CPSF3: variants seen among roughly 807,000 people sequenced by gnomAD.
CPSF3 encodes the protein cleavage and polyadenylation specific factor 3, also known as cleavage and polyadenylation specificity factor subunit 3.
A neutral mutation model predicts 84.1 loss-of-function variants in CPSF3; 57 were observed. That is an observed-to-expected ratio of 0.68 (90% CI 0.55 to 0.85). CPSF3 has a LOEUF of 0.85. Ranked by LOEUF, CPSF3 falls within the 40% of genes least tolerant of loss-of-function variation. CPSF3 has a pLI of 0.00. For missense variants in CPSF3, 522 were observed against 838.8 expected, an observed-to-expected ratio of 0.62 and a Z score of 4.66; for synonymous variants, 275 against 278.1, an observed-to-expected ratio of 0.99 and a Z score of 0.11.
chr2:9,467,861 C>A, intron 16 of CPSF3, 85 bp downstream of exon 16: 1 of 1,090,648 alleles, frequency 9.2e-7, no homozygotes, highest in Non-Finnish European at 1.4e-6. Context: ...CCTTCAAGGA[C>A]TGGGGCGTGG....
At chr2:9,435,210 A>C (rs1008426657) in intron 6 of CPSF3, among the ~76,000 whole-genome samples, 1 of 152,212 alleles carries the variant, frequency 6.6e-6, no homozygotes, top group African/African-American at 2.4e-5. Flanking sequence ...TCTTCTGGTC[A>C]GTGGACCATA....
chr2:9,450,152 T>G (rs1049790421), intron 11 of CPSF3, among the ~76,000 whole-genome samples: 3 of 149,100 alleles, frequency 2.0e-5, no homozygotes, highest in African/African-American at 7.4e-5. Flanking sequence ...CACAAATTTT[T>G]TTTTTTTTTT....
At chr2:9,457,099 G>A in intron 14 of CPSF3, 72 bp downstream of exon 14, 1 of 837,422 alleles carries the variant, frequency 1.2e-6, no homozygotes. Context: ...CAATTGTAGA[G>A]AAAATTAGTT....
At chr2:9,427,903 G>T (rs1169846178) in intron 1 of CPSF3, among the ~76,000 whole-genome samples, 2 of 151,772 alleles carry the variant, frequency 1.3e-5, no homozygotes, top group Non-Finnish European at 2.9e-5. Context: ...CAAAAATTAT[G>T]TAAGTAGTTG....
intron 11 of CPSF3, among the ~76,000 whole-genome samples, chr2:9,452,658 G>A (rs1342762263): frequency 6.6e-6 from 1 of 152,190 alleles, no homozygotes; most frequent in Non-Finnish European, 1.5e-5. Context: ...CACCTAGTAA[G>A]TTACTTGCTT....
At chr2:9,453,094 ACCTTGTG>A in intron 12 of CPSF3, 73 bp downstream of exon 12, 3 of 904,870 alleles carry the variant, frequency 3.3e-6, no homozygotes, top group Non-Finnish European at 5.0e-6. Context: ...ACTTCTCTTC[ACCTTGTG>A]GCCTAATGTT....
At chr2:9,453,123 A>T in intron 12 of CPSF3, 102 bp downstream of exon 12, 1 of 660,138 alleles carries the variant, frequency 1.5e-6, no homozygotes, top group Admixed American at 3.6e-5. Flanking sequence ...TGTAATAGAC[A>T]AATAATAAAA....
intron 11 of CPSF3, among the ~76,000 whole-genome samples, chr2:9,451,852 G>A (rs1301869278): frequency 6.6e-6 from 1 of 151,814 alleles, no homozygotes; most frequent in Non-Finnish European, 1.5e-5. Flanking sequence ...GAGTAGCTGG[G>A]ACTACAGGCG....
intron 7 of CPSF3, among the ~76,000 whole-genome samples, chr2:9,436,777 T>C (rs112541513): frequency 8.8e-6 from 1 of 113,176 alleles, no homozygotes; most frequent in Non-Finnish European, 2.1e-5. Context: ...TCTCAAAAAA[T>C]AATAATAATA....
chr2:9,455,513 T>C (rs1174444893), intron 12 of CPSF3, 146 bp from the exon 13 acceptor site: 2 of 600,606 alleles, frequency 3.3e-6, no homozygotes, highest in Non-Finnish European at 2.9e-6. Flanking sequence ...TGGGGAAATG[T>C]AAGGTGGTAC....
intron 1 of CPSF3, chr2:9,424,028 G>T: frequency 7.7e-7 from 1 of 1,293,682 alleles, no homozygotes; most frequent in Non-Finnish European, 9.8e-7. Context: ...ACGGGATTTT[G>T]CTTTTTCATC....
intron 14 of CPSF3, among the ~76,000 whole-genome samples, chr2:9,458,360 C>T (rs552266392): frequency 2.6e-5 from 4 of 152,184 alleles, no homozygotes; most frequent in South Asian, 2.1e-4. Flanking sequence ...GCCAGGATCA[C>T]GCCACTGCAC....
At chr2:9,436,774 A>AAAAAATAAT (rs139337028) in intron 7 of CPSF3, among the ~76,000 whole-genome samples, 1 of 143,002 alleles carries the variant, frequency 7.0e-6, no homozygotes, top group Non-Finnish European at 1.5e-5. Context: ...CCATCTCAAA[A>AAAAAATAAT]AATAATAATA....
intron 15 of CPSF3, among the ~76,000 whole-genome samples, chr2:9,463,198 T>C (rs1029698386): frequency 6.6e-6 from 1 of 152,172 alleles, no homozygotes; most frequent in Non-Finnish European, 1.5e-5. Flanking sequence ...CCTCAGACTT[T>C]CAGTGTGAGT....
intron 10 of CPSF3, among the ~76,000 whole-genome samples, chr2:9,444,967 T>G: frequency 6.6e-6 from 1 of 152,072 alleles, no homozygotes. Flanking sequence ...CACCTGGCCT[T>G]GCTTGTTGTT....
intron 1 of CPSF3, among the ~76,000 whole-genome samples, chr2:9,425,142 C>T (rs1318096307): frequency 3.9e-5 from 6 of 152,056 alleles, no homozygotes; most frequent in African/African-American, 1.2e-4. Context: ...ACTGGGGGGC[C>T]CAGGATGTTC....
chr2:9,444,324 C>T (rs1397918245), intron 10 of CPSF3, among the ~76,000 whole-genome samples: 3 of 151,634 alleles, frequency 2.0e-5, no homozygotes, highest in Non-Finnish European at 1.5e-5. Context: ...GATGGGGTTT[C>T]ACCGTCTTGG....
At chr2:9,453,833 G>A (rs1283177425) in intron 12 of CPSF3, among the ~76,000 whole-genome samples, 1 of 152,086 alleles carries the variant, frequency 6.6e-6, no homozygotes, top group Non-Finnish European at 1.5e-5. Context: ...GGAGGTTGCA[G>A]TGAGCTGAGA....
chr2:9,470,012 G>A (rs556017295), intron 16 of CPSF3, among the ~76,000 whole-genome samples: 3 of 152,198 alleles, frequency 2.0e-5, no homozygotes, highest in South Asian at 2.1e-4. Context: ...TTAGGGGTTC[G>A]AGACCAGCCT....
Sources: gnomAD v4.1 joint callset for allele counts (sites outside exome capture counted in the v4.1 genomes callset) on GRCh38, gnomAD v4.1.1 for gene constraint, MANE v1.5 for transcripts, NCBI Gene and HGNC (gene_info 2026-07-23, HGNC 2026-07-21) for gene names.